The following PRELID2 variants were observed in gnomAD, a reference collection of about 807,000 sequenced individuals.
PRELID2 encodes the protein PRELI domain-containing protein 2.
Under a neutral mutation model 28.4 loss-of-function variants are expected in PRELID2, and 25 were observed. The ratio of observed to expected loss-of-function variants is 0.88; its 90% confidence interval spans 0.64 to 1.23. PRELID2 has a LOEUF of 1.23. Ranked by LOEUF, PRELID2 falls within the 50% of genes most tolerant of loss-of-function variation. The pLI is 0.00. For missense variants in PRELID2, 201 were observed against 214.4 expected (o/e 0.94, Z 0.39); for synonymous variants, 76 against 71.6 (o/e 1.06, Z -0.31).
At chr5:145,677,513 A>T (rs1337041600) in intron 1 of PRELID2, among the ~76,000 whole-genome samples, 1 of 152,154 alleles carries the variant, frequency 6.6e-6, no homozygotes, top group East Asian at 1.9e-4. Context: ...GGAAGAAATG[A>T]TATCAAGTCT....
chr5:145,725,101 C>G lies in PRELID2; in HGVS notation n.70+39830G>C, dbSNP rs116918961. ...ACAATAATATGAACAAAGTAAAGTACTTGAAATGTCTAAAATTCATAAGTT... is the reference window on the plus strand; with the variant it reads ...ACAATAATATGAACAAAGTAAAGTAGTTGAAATGTCTAAAATTCATAAGTT... On this transcript the variant is annotated intron_variant and non_coding_transcript_variant, in intron 1 of 2. Transcript: ENST00000510259. 6.1e-4 allele frequency among the ~76,000 whole-genome samples: 93 copies of G among 152,050 alleles called. No individual in the cohort carries two copies. The East Asian group carries it at 0.016, about 27-fold the overall frequency.
At chr5:145,818,881 C>T (rs1754561166) in intron 3 of PRELID2, among the ~76,000 whole-genome samples, 1 of 152,138 alleles carries the variant, frequency 6.6e-6, no homozygotes, top group Non-Finnish European at 1.5e-5. Flanking sequence ...GTGTCCCCTC[C>T]CAAATCTCAT....
At chr5:145,317,915 T>C in the PRELID2 span, among the ~76,000 whole-genome samples, 1 of 152,138 alleles carries the variant, frequency 6.6e-6, no homozygotes, top group Admixed American at 6.5e-5. Flanking sequence ...TCTAGACCCA[T>C]AGATCTCACT....
At chr5:145,436,381 G>A in the PRELID2 span, among the ~76,000 whole-genome samples, 249 of 152,144 alleles carry the variant, frequency 1.6e-3, no homozygotes, top group African/African-American at 5.8e-3. Flanking sequence ...TGTGAATGGC[G>A]CTGTGATGAA....
intron 1 of PRELID2, among the ~76,000 whole-genome samples, chr5:145,703,128 C>T (rs1755453022): frequency 6.6e-6 from 1 of 152,150 alleles, no homozygotes. Flanking sequence ...TATACTAAGT[C>T]TTTGGAAGAA....
the PRELID2 span, among the ~76,000 whole-genome samples, chr5:145,296,860 C>T: frequency 6.6e-6 from 1 of 152,166 alleles, no homozygotes; most frequent in Non-Finnish European, 1.5e-5. Context: ...CCAGTTGTTT[C>T]CTGACTTTTT....
At chr5:145,808,381 G>A (rs1373290450) in intron 4 of PRELID2, among the ~76,000 whole-genome samples, 1 of 152,012 alleles carries the variant, frequency 6.6e-6, no homozygotes, top group Non-Finnish European at 1.5e-5. Context: ...AGAGCAGGGT[G>A]AAAAAATGGG....
chr5:145,587,324 C>T (rs1324923115), intron 1 of PRELID2, among the ~76,000 whole-genome samples: 2 of 152,126 alleles, frequency 1.3e-5, no homozygotes, highest in Admixed American at 6.6e-5. Context: ...CAGAGACTTA[C>T]GTTATCCTTT....
At chr5:145,632,050 AATAAAT>A (rs1337799617) in intron 1 of PRELID2, among the ~76,000 whole-genome samples, 1 of 152,190 alleles carries the variant, frequency 6.6e-6, no homozygotes, top group Non-Finnish European at 1.5e-5. Flanking sequence ...GCCAAGGTAA[AATAAAT>A]AATAACCCCT....
intron 1 of PRELID2, among the ~76,000 whole-genome samples, chr5:145,625,528 GCAAA>G (rs1338934212): frequency 2.0e-5 from 3 of 152,056 alleles, no homozygotes; most frequent in Admixed American, 6.6e-5. Context: ...AATGCAGAAA[GCAAA>G]CAGTCATTTT....
the PRELID2 span, among the ~76,000 whole-genome samples, chr5:145,398,068 A>G: frequency 6.6e-6 from 1 of 152,132 alleles, no homozygotes; most frequent in Non-Finnish European, 1.5e-5. Context: ...CCATGGCCTC[A>G]TCTTTTCTCT....
At chr5:145,500,030 T>C (rs1180736722) in intron 1 of PRELID2, among the ~76,000 whole-genome samples, 1 of 152,158 alleles carries the variant, frequency 6.6e-6, no homozygotes, top group Admixed American at 6.5e-5. Flanking sequence ...GTGTGATGTT[T>C]GGAAAAGTCC....
chr5:145,387,286 C>G, the PRELID2 span, among the ~76,000 whole-genome samples: 1 of 149,268 alleles, frequency 6.7e-6, no homozygotes, highest in South Asian at 2.2e-4. Flanking sequence ...ATTACATATG[C>G]ATAGTAGGGT....
At chr5:145,444,531 A>G in the PRELID2 span, among the ~76,000 whole-genome samples, 1 of 151,984 alleles carries the variant, frequency 6.6e-6, no homozygotes, top group Non-Finnish European at 1.5e-5. Flanking sequence ...TGGGTCATGA[A>G]TTAATGATTT....
chr5:145,263,366 A>G, the PRELID2 span, among the ~76,000 whole-genome samples: 1 of 152,078 alleles, frequency 6.6e-6, no homozygotes, highest in Admixed American at 6.6e-5. Flanking sequence ...ATTCTACCCA[A>G]TAACTGCAGA....
chr5:145,284,928 T>C, the PRELID2 span, among the ~76,000 whole-genome samples: 1 of 152,146 alleles, frequency 6.6e-6, no homozygotes, highest in Non-Finnish European at 1.5e-5. Flanking sequence ...ATTAATATTT[T>C]AATAATGAAA....
intron 5 of PRELID2, among the ~76,000 whole-genome samples, chr5:145,772,185 C>T (rs959186983): frequency 6.6e-5 from 10 of 152,106 alleles, no homozygotes; most frequent in East Asian, 3.9e-4. Flanking sequence ...ATTTTACCCT[C>T]CCATCTCCCC....
intron 1 of PRELID2, among the ~76,000 whole-genome samples, chr5:145,497,976 G>GACTAACAA (rs1220720232): frequency 6.6e-6 from 1 of 152,138 alleles, no homozygotes; most frequent in Non-Finnish European, 1.5e-5. Flanking sequence ...GTCAACACTT[G>GACTAACAA]CCCTTCACTA....
At chr5:145,480,952 T>C (rs17103306) in intron 1 of PRELID2, among the ~76,000 whole-genome samples, 2,605 of 152,274 alleles carry the variant, frequency 0.017, 161 homozygotes, top group East Asian at 0.16. Context: ...TTCACTGAGA[T>C]GCCATTGTAT....
Sources: gnomAD v4.1 joint callset for allele counts (sites outside exome capture counted in the v4.1 genomes callset) on GRCh38, gnomAD v4.1.1 for gene constraint, MANE v1.5 for transcripts, NCBI Gene and HGNC (gene_info 2026-07-23, HGNC 2026-07-21) for gene names.